TRPC6: variants seen among roughly 807,000 people sequenced by gnomAD.
The protein encoded by TRPC6 is transient receptor potential cation channel subfamily C member 6.
TRPC6 carries 55 observed loss-of-function variants against 90.7 expected under a neutral mutation model. The observed-to-expected ratio is 0.61, with a 90% CI of 0.49 to 0.76. The LOEUF is 0.76. Ranked by LOEUF, TRPC6 falls within the 30% of genes least tolerant of loss-of-function variation. The probability of loss-of-function intolerance (pLI) is 0.00; values close to 1 mark genes in which losing one functional copy is unlikely to be tolerated. For synonymous variants in TRPC6, 393 were observed against 393.0 expected, an observed-to-expected ratio of 1.00 and a Z score of 0.00; for missense variants, 989 against 1,122.7, an observed-to-expected ratio of 0.88 and a Z score of 1.70.
intron 1 of TRPC6, among the ~76,000 whole-genome samples, chr11:101,518,615 TGAA>T (rs2136772275): frequency 6.6e-6 from 1 of 152,208 alleles, no homozygotes; most frequent in African/African-American, 2.4e-5. Context: ...ATTGGTACTA[TGAA>T]GAATAGTTTG....
chr11:101,521,974 T>C (rs1014598652), intron 1 of TRPC6, among the ~76,000 whole-genome samples: 11 of 152,196 alleles, frequency 7.2e-5, no homozygotes, highest in South Asian at 2.1e-4. Context: ...TACAGGCTCA[T>C]AGGCTGAAGG....
intron 4 of TRPC6, among the ~76,000 whole-genome samples, chr11:101,485,579 T>A (rs1485310325): frequency 8.0e-6 from 1 of 125,486 alleles, no homozygotes; most frequent in Admixed American, 7.2e-5. Flanking sequence ...ATCCTAAACT[T>A]TTTTTTTTTT....
chr11:101,494,083 G>C (rs1437955478), intron 2 of TRPC6, among the ~76,000 whole-genome samples: 4 of 152,214 alleles, frequency 2.6e-5, no homozygotes, highest in Non-Finnish European at 5.9e-5. Flanking sequence ...ATAGCATCTA[G>C]AGTGTTACAA....
chr11:101,482,846 C>G, intron 5 of TRPC6, 103 bp downstream of exon 5: 1 of 1,205,036 alleles, frequency 8.3e-7, no homozygotes, highest in Non-Finnish European at 1.2e-6. Flanking sequence ...TGCACTGTAT[C>G]ATGCTGCATA....
At chr11:101,462,844 C>T (rs540913939) in intron 10 of TRPC6, among the ~76,000 whole-genome samples, 8 of 152,166 alleles carry the variant, frequency 5.3e-5, no homozygotes, top group South Asian at 2.1e-4. Context: ...TCCAATACTA[C>T]GTTAAATAGG....
At chr11:101,556,127 C>G (rs1033738735) in intron 1 of TRPC6, among the ~76,000 whole-genome samples, 2 of 151,930 alleles carry the variant, frequency 1.3e-5, no homozygotes, top group Non-Finnish European at 2.9e-5. Flanking sequence ...GAAGAAAGAT[C>G]TCAAATTAAC....
intron 1 of TRPC6, among the ~76,000 whole-genome samples, chr11:101,577,497 A>C (rs2136899536): frequency 6.6e-6 from 1 of 152,274 alleles, no homozygotes; most frequent in South Asian, 2.1e-4. Context: ...TCATCTAGGA[A>C]AGAAGGAGAA....
chr11:101,486,110 T>C (rs1859673807), intron 4 of TRPC6, among the ~76,000 whole-genome samples: 1 of 149,594 alleles, frequency 6.7e-6, no homozygotes, highest in Admixed American at 6.6e-5. Flanking sequence ...TTGTTTTGTT[T>C]TAGCAATCAA....
intron 1 of TRPC6, among the ~76,000 whole-genome samples, chr11:101,557,519 C>A (rs1408311406): frequency 6.6e-6 from 1 of 151,836 alleles, no homozygotes; most frequent in Non-Finnish European, 1.5e-5. Flanking sequence ...AGCAATTAGG[C>A]AAGAGAAAAA....
Position 101,472,139 on chromosome 11 carries a change from C to T in TRPC6, c.2203G>A (p.Glu735Lys). The change falls in exon 8 of 13, where the codon GAG becomes AAG. Residue 735 changes from glutamate (E) to lysine (K), a missense_variant and splice_region_variant. By Grantham distance (56) the Glu-to-Lys change is moderately conservative (BLOSUM62 1). Coordinates refer to ENST00000344327, the MANE Select transcript of TRPC6 (RefSeq NM_004621.6). ...AMINSSFQEI[E>K]DDADVEWKFA... ...ATAAAAATGTATTGAGATTATACCT[C>T]AATTTCCTGGAATGAACTGTTGATC... 6.2e-7 allele frequency: 1 copy of T among 1,610,978 alleles called. No individual in the cohort carries two copies. The highest frequency in any genetic ancestry group is 8.5e-7 in the Non-Finnish European group (1 of 1,179,120).
Position 101,452,791 on chromosome 11 carries a change from C to T in TRPC6, c.*164G>A. 1 of 734,724 alleles carries T rather than the reference C, an allele frequency of 1.4e-6. No homozygotes were observed. Among genetic ancestry groups the T allele is most frequent in the Non-Finnish European group, 2.2e-6 (1 of 449,488 alleles). 45.5% of individuals were successfully genotyped at this position (734,724 alleles called of 1,614,324 possible). On this transcript the variant is annotated 3_prime_UTR_variant, in exon 13 of 13. Transcript: ENST00000344327. The stretch of plus-strand genomic sequence containing the variant: ...TTTACCCTGAACAATGGAGTTTAAT[C>T]ACCAAAAAAATTAGATACTAGGGCT...
intron 2 of TRPC6, among the ~76,000 whole-genome samples, chr11:101,495,669 C>T (rs1859927779): frequency 1.3e-5 from 2 of 149,656 alleles, no homozygotes; most frequent in African/African-American, 4.9e-5. Context: ...CAGTATCTAG[C>T]TCTTTGCAGT....
chr11:101,470,696 T>G (rs1859268361), intron 9 of TRPC6, among the ~76,000 whole-genome samples: 1 of 152,136 alleles, frequency 6.6e-6, no homozygotes, highest in African/African-American at 2.4e-5. Context: ...TCCTTAGCTC[T>G]TTCTTTCTTG....
intron 1 of TRPC6, among the ~76,000 whole-genome samples, chr11:101,554,344 T>G (rs1195014465): frequency 6.6e-6 from 1 of 152,108 alleles, no homozygotes; most frequent in East Asian, 1.9e-4. Context: ...AACTTTTGTT[T>G]ACATTTATGT....
chr11:101,482,677 T>C (rs141808905), intron 5 of TRPC6, among the ~76,000 whole-genome samples: 1 of 152,212 alleles, frequency 6.6e-6, no homozygotes, highest in Non-Finnish European at 1.5e-5. Flanking sequence ...TAATAGCTTT[T>C]TGTCACTGGT....
intron 1 of TRPC6, among the ~76,000 whole-genome samples, chr11:101,571,589 T>G (rs1329978553): frequency 6.6e-6 from 1 of 152,150 alleles, no homozygotes; most frequent in Non-Finnish European, 1.5e-5. Context: ...AGAACCAAGC[T>G]GGAGGCATCA....
chr11:101,504,117 A>G lies in TRPC6; in HGVS notation c.852T>C (p.Ala284=), dbSNP rs778214024. Residue 284 remains alanine (A), a synonymous_variant, in exon 2 of 13, where the codon GCT becomes GCC. Coordinates refer to ENST00000344327, the MANE Select transcript of TRPC6 (RefSeq NM_004621.6). ...INAYKGLASP[A]YLSLSSEDPV... is the part of the protein sequence containing the mutation. ...GATCTTCACTAGACAATGACAGGTA[A>G]GCCGGACTTGCCAGGCCTTTATAGG... The G allele has an allele frequency of 5.6e-6, 9 of 1,614,114 alleles. No individual in the cohort carries two copies. The South Asian group carries it at 9.9e-5, about 18-fold the overall frequency.
intron 1 of TRPC6, among the ~76,000 whole-genome samples, chr11:101,542,848 A>C (rs915198805): frequency 2.0e-5 from 3 of 152,100 alleles, no homozygotes; most frequent in Non-Finnish European, 4.4e-5. Context: ...AAACCTTAAG[A>C]AAACATGAGA....
intron 1 of TRPC6, among the ~76,000 whole-genome samples, chr11:101,537,104 T>C (rs1861067281): frequency 6.6e-6 from 1 of 152,236 alleles, no homozygotes; most frequent in African/African-American, 2.4e-5. Context: ...TGGAGTACTT[T>C]GGGATAAGAT....
Sources: allele counts gnomAD v4.1 joint callset (sites outside exome capture counted in the v4.1 genomes callset), GRCh38; gene constraint gnomAD v4.1.1; transcripts MANE v1.5; gene names NCBI Gene and HGNC (gene_info 2026-07-23, HGNC 2026-07-21).